ASPH: variants seen among roughly 807,000 people sequenced by gnomAD.
The protein encoded by ASPH is aspartate beta-hydroxylase.
In ASPH, 100 loss-of-function variants were observed where a neutral mutation model predicts 118.4. That is an observed-to-expected ratio of 0.84 (90% CI 0.72 to 1.00). The LOEUF is 1.00. Among genes scored for constraint, ASPH ranks in the 50% least tolerant of loss-of-function variants. The pLI is 0.00. For missense variants in ASPH, 920 were observed against 919.5 expected, an observed-to-expected ratio of 1.00 and a Z score of -0.01; for synonymous variants, 315 against 325.6, an observed-to-expected ratio of 0.97 and a Z score of 0.35.
At chr8:61,509,424 C>T (rs1215306251) in intron 24 of ASPH, among the ~76,000 whole-genome samples, 1 of 152,156 alleles carries the variant, frequency 6.6e-6, no homozygotes, top group Non-Finnish European at 1.5e-5. Context: ...CCTGACATTG[C>T]CATGGCATCT....
chr8:61,580,738 C>T (rs1223793649), intron 15 of ASPH, among the ~76,000 whole-genome samples: 2 of 152,178 alleles, frequency 1.3e-5, no homozygotes, highest in South Asian at 4.1e-4. Context: ...TCTGTATGTG[C>T]TACTTTTTAT....
Position 61,675,199 on chromosome 8 carries a change from C to CT in ASPH, c.322+5768dup, listed in dbSNP as rs1295570874. 16 of 628,030 alleles carry CT rather than the reference C, an allele frequency of 2.5e-5. No homozygotes were observed. The East Asian group carries it at 8.3e-4, about 32-fold the overall frequency. The allele number at this position is 628,030 out of a possible 1,614,324, so 38.9% of individuals were successfully genotyped here. A position where few individuals can be genotyped will look rare whatever the true frequency, so the allele number is the denominator to read the frequency against. The stretch of plus-strand genomic sequence containing the variant: ...TATAATTCTAAAAATCACATTACAT[C>CT]TAAGCCAAAATCAATATCCAATTAA... On this transcript the variant is annotated intron_variant, in intron 3 of 24. Transcript: ENST00000379454.
intron 18 of ASPH, among the ~76,000 whole-genome samples, chr8:61,561,099 A>AGGGAGG: frequency 1.1e-4 from 1 of 9,310 alleles, no homozygotes; most frequent in Non-Finnish European, 3.1e-4. Flanking sequence ...AGGGAGGGAG[A>AGGGAGG]GAGGGAGGGA....
chr8:61,563,840 ACTC>A (rs1181408971), intron 17 of ASPH, among the ~76,000 whole-genome samples: 1 of 151,824 alleles, frequency 6.6e-6, no homozygotes. Flanking sequence ...ATGGACACAA[ACTC>A]CTCCTTGCAG....
At chr8:61,612,213 T>A (rs1284514288) in intron 14 of ASPH, among the ~76,000 whole-genome samples, 10 of 152,024 alleles carry the variant, frequency 6.6e-5, no homozygotes, top group Admixed American at 6.6e-4. Context: ...AAAGAAGCAG[T>A]TCGAGATCTA....
chr8:61,546,456 A>AAAAAC (rs1554623187), intron 21 of ASPH, among the ~76,000 whole-genome samples: 6 of 152,202 alleles, frequency 3.9e-5, no homozygotes, highest in African/African-American at 1.2e-4. Flanking sequence ...GAAATTTGAC[A>AAAAAC]AAAACAAAAC....
At chr8:61,711,575 C>T (rs1838067837) in intron 1 of ASPH, among the ~76,000 whole-genome samples, 1 of 151,954 alleles carries the variant, frequency 6.6e-6, no homozygotes. Context: ...CTTTAAAAAT[C>T]TGTGATATAA....
At position 61,522,298 on chromosome 8, in the gene ASPH, C is replaced by T. The variant is rs575453365; in HGVS notation, c.1900+3679G>A. ...CTAGGGCTGCCACAAGCAAATACCA[C>T]AGACTGAGTGGCTTAAACAACAGAA... On this transcript the variant is annotated intron_variant, in intron 22 of 24. Coordinates refer to ENST00000379454, the MANE Select transcript of ASPH (RefSeq NM_004318.4). Among the ~76,000 whole-genome samples, 7 of 152,276 alleles carry T rather than the reference C, an allele frequency of 4.6e-5. 1 individual carries two copies. Among genetic ancestry groups the T allele is most frequent in the African/African-American group, 1.7e-4 (7 of 41,560 alleles).
At chr8:61,583,608 T>C (rs905436620) in intron 15 of ASPH, 5 of 179,548 alleles carry the variant, frequency 2.8e-5, no homozygotes, top group African/African-American at 1.2e-4. Context: ...AATTAGGAGG[T>C]AGAAAGAATA....
At chr8:61,598,416 T>A (rs138652622) in intron 14 of ASPH, among the ~76,000 whole-genome samples, 1 of 152,008 alleles carries the variant, frequency 6.6e-6, no homozygotes, top group Admixed American at 6.6e-5. Context: ...ACAAAGAAGG[T>A]CATTATATAA....
intron 24 of ASPH, among the ~76,000 whole-genome samples, chr8:61,505,843 G>T (rs1586156511): frequency 6.6e-6 from 1 of 152,134 alleles, no homozygotes; most frequent in East Asian, 1.9e-4. Flanking sequence ...ACCAAGGCGG[G>T]GAAATACGCT....
chr8:61,538,373 T>G (rs894949771), intron 21 of ASPH, among the ~76,000 whole-genome samples: 22 of 152,258 alleles, frequency 1.4e-4, no homozygotes, highest in Non-Finnish European at 1.5e-5. Flanking sequence ...TAAGCTATTA[T>G]GTTAATCTTA....
chr8:61,693,331 A>C (rs1833119122), intron 1 of ASPH, among the ~76,000 whole-genome samples: 1 of 152,188 alleles, frequency 6.6e-6, no homozygotes, highest in South Asian at 2.1e-4. Flanking sequence ...GGATGACACA[A>C]GCGGCCATCC....
At chr8:61,579,128 A>C in intron 15 of ASPH, 1 of 1,611,608 alleles carries the variant, frequency 6.2e-7, no homozygotes, top group Non-Finnish European at 8.5e-7. Context: ...TGTGGCGCAC[A>C]AAGACTGAGA....
chr8:61,681,167 T>C (rs947096181), intron 2 of ASPH, 131 bp from the exon 3 acceptor site: 2 of 649,058 alleles, frequency 3.1e-6, no homozygotes, highest in African/African-American at 1.9e-5. Flanking sequence ...GCTCTTTTAA[T>C]CCTGCAAAGC....
intron 24 of ASPH, among the ~76,000 whole-genome samples, chr8:61,509,139 A>C (rs997051152): frequency 2.0e-5 from 3 of 152,176 alleles, no homozygotes; most frequent in African/African-American, 7.2e-5. Context: ...AGAAGGGGAA[A>C]AGGGAAAGAA....
At chr8:61,600,114 A>T (rs1349120633) in intron 14 of ASPH, among the ~76,000 whole-genome samples, 4 of 151,478 alleles carry the variant, frequency 2.6e-5, no homozygotes, top group Non-Finnish European at 4.4e-5. Context: ...ATATGAAAAT[A>T]AAAAAAAATA....
At chr8:61,673,200 A>G (rs1288716498) in intron 3 of ASPH, among the ~76,000 whole-genome samples, 1 of 152,206 alleles carries the variant, frequency 6.6e-6, no homozygotes, top group East Asian at 1.9e-4. Context: ...CCACTATTCC[A>G]TATGTCCTCA....
intron 15 of ASPH, among the ~76,000 whole-genome samples, chr8:61,582,593 C>A (rs1340730749): frequency 6.6e-6 from 1 of 152,208 alleles, no homozygotes; most frequent in African/African-American, 2.4e-5. Flanking sequence ...GACTTTGCTG[C>A]AATATTCTGT....
Sources: allele counts gnomAD v4.1 joint callset (sites outside exome capture counted in the v4.1 genomes callset), GRCh38; gene constraint gnomAD v4.1.1; transcripts MANE v1.5; gene names NCBI Gene and HGNC (gene_info 2026-07-23, HGNC 2026-07-21).